The following PLCL1 variants were observed in gnomAD, a reference collection of about 807,000 sequenced individuals.
PLCL1 encodes the protein inactive phospholipase C-like protein 1.
In PLCL1, 41 loss-of-function variants were observed where a neutral mutation model predicts 84.4. That is an observed-to-expected ratio of 0.49 (90% CI 0.38 to 0.63). The LOEUF is 0.63. PLCL1 is among the 30% of genes least tolerant of loss of function. The pLI is 0.00. For missense variants in PLCL1, 1,206 were observed against 1,367.8 expected (o/e 0.88, Z 1.87); for synonymous variants, 490 against 488.3 (o/e 1.00, Z -0.05).
Position 198,047,165 on chromosome 2 carries a change from A to G in PLCL1, c.241-36593A>G, listed in dbSNP as rs1371089122. ...AACCAGGAGAGATGCATGTGTGTGT[A>G]TGTGTGTGTGTGTGTGTGTGTGTGT... On this transcript the variant is annotated intron_variant, in intron 1 of 5. Coordinates refer to ENST00000428675, the MANE Select transcript of PLCL1 (RefSeq NM_006226.4). Among the ~76,000 whole-genome samples, 8 of 148,734 alleles carry G rather than the reference A, an allele frequency of 5.4e-5. 2 individuals carry two copies. The South Asian group carries it at 1.5e-3, about 28-fold the overall frequency.
At chr2:197,851,715 G>T (rs566306746) in intron 1 of PLCL1, among the ~76,000 whole-genome samples, 10 of 152,214 alleles carry the variant, frequency 6.6e-5, no homozygotes, top group African/African-American at 9.6e-5. Flanking sequence ...TCACCTGCAG[G>T]TCCTGGTATG....
chr2:197,824,929 G>T (rs539422906), intron 1 of PLCL1, among the ~76,000 whole-genome samples: 1 of 152,036 alleles, frequency 6.6e-6, no homozygotes, highest in Non-Finnish European at 1.5e-5. Flanking sequence ...TTAAGGAAAG[G>T]GGTGAACCAT....
intron 1 of PLCL1, among the ~76,000 whole-genome samples, chr2:197,877,646 T>C (rs1397886395): frequency 1.3e-5 from 2 of 152,078 alleles, no homozygotes; most frequent in African/African-American, 4.8e-5. Context: ...GCCTGACTGG[T>C]TTAAAATGAT....
At chr2:198,127,027 C>G (rs1301537634) in intron 5 of PLCL1, among the ~76,000 whole-genome samples, 2 of 149,018 alleles carry the variant, frequency 1.3e-5, no homozygotes, top group Admixed American at 6.7e-5. Flanking sequence ...GTGGTGTATT[C>G]TTAGTCCCTT....
At chr2:197,946,696 C>T (rs527569531) in intron 1 of PLCL1, among the ~76,000 whole-genome samples, 3 of 152,220 alleles carry the variant, frequency 2.0e-5, no homozygotes, top group Non-Finnish European at 2.9e-5. Context: ...TTGAGTAGAA[C>T]GCTCCTGCAG....
intron 5 of PLCL1, among the ~76,000 whole-genome samples, chr2:198,105,563 C>T (rs1285819270): frequency 1.3e-5 from 2 of 149,818 alleles, no homozygotes; most frequent in Non-Finnish European, 3.0e-5. Context: ...GTTTTCGGTG[C>T]AGGCAGGGTA....
In PLCL1 at chr2:197,815,823, C is replaced by G. The variant is rs1025646803; in HGVS notation, c.240+10484C>G. ...AAGAGAACTAGAATTAGAAGTGGAG[C>G]CTGAAGATGTGACTGAATTGCTTCC... On this transcript the variant is annotated intron_variant, in intron 1 of 5. Coordinates refer to ENST00000428675, the MANE Select transcript of PLCL1 (RefSeq NM_006226.4). Among the ~76,000 whole-genome samples, 4 of 152,060 alleles carry G rather than the reference C, an allele frequency of 2.6e-5. No homozygotes were observed. The South Asian group carries it at 8.3e-4, about 32-fold the overall frequency.
At chr2:197,943,773 C>G (rs937588228) in intron 1 of PLCL1, among the ~76,000 whole-genome samples, 6 of 151,670 alleles carry the variant, frequency 4.0e-5, no homozygotes, top group African/African-American at 1.5e-4. Flanking sequence ...TCATTTTTTC[C>G]TTTGTTTAAT....
At chr2:197,836,722 T>G (rs1691199145) in intron 1 of PLCL1, among the ~76,000 whole-genome samples, 1 of 152,178 alleles carries the variant, frequency 6.6e-6, no homozygotes, top group Non-Finnish European at 1.5e-5. Flanking sequence ...AAATATTTAC[T>G]GGGCAATTTC....
intron 1 of PLCL1, among the ~76,000 whole-genome samples, chr2:198,026,455 G>A (rs964726847): frequency 2.0e-5 from 3 of 152,134 alleles, no homozygotes; most frequent in African/African-American, 7.2e-5. Context: ...CAGAGTAGTT[G>A]TTATCATTTC....
chr2:197,903,330 G>A (rs746473613), intron 1 of PLCL1, among the ~76,000 whole-genome samples: 6 of 152,018 alleles, frequency 3.9e-5, no homozygotes, highest in Non-Finnish European at 7.4e-5. Flanking sequence ...CAGCTGATGA[G>A]CCCCAGTTTG....
intron 1 of PLCL1, among the ~76,000 whole-genome samples, chr2:197,904,397 G>T (rs143383407): frequency 1.3e-5 from 2 of 152,224 alleles, no homozygotes; most frequent in East Asian, 3.9e-4. Context: ...TTAAAAAGTC[G>T]TTCCCTTAGA....
chr2:197,876,314 A>C (rs1406793206), intron 1 of PLCL1, among the ~76,000 whole-genome samples: 1 of 152,178 alleles, frequency 6.6e-6, no homozygotes, highest in East Asian at 1.9e-4. Context: ...CGAGCTTCTT[A>C]GAAAAGAAGC....
intron 1 of PLCL1, among the ~76,000 whole-genome samples, chr2:197,942,489 A>G (rs913088025): frequency 6.6e-6 from 1 of 152,208 alleles, no homozygotes; most frequent in Admixed American, 6.5e-5. Context: ...TCCCATTGCT[A>G]ATTTCCCCCT....
chr2:198,029,930 C>T (rs1691367235), intron 1 of PLCL1, among the ~76,000 whole-genome samples: 1 of 151,702 alleles, frequency 6.6e-6, no homozygotes, highest in Admixed American at 6.6e-5. Flanking sequence ...GAATGCCTGA[C>T]CTCAAATGAT....
At chr2:197,885,935 C>A (rs1687915235) in intron 1 of PLCL1, among the ~76,000 whole-genome samples, 1 of 152,158 alleles carries the variant, frequency 6.6e-6, no homozygotes, top group Non-Finnish European at 1.5e-5. Context: ...AAAACTATAG[C>A]TTCATGAGGG....
chr2:197,959,328 TG>T (rs1358684633), intron 1 of PLCL1, among the ~76,000 whole-genome samples: 2 of 152,018 alleles, frequency 1.3e-5, no homozygotes, highest in African/African-American at 2.4e-5. Context: ...CCCTCTTGCT[TG>T]GGGATGCTGG....
intron 1 of PLCL1, among the ~76,000 whole-genome samples, chr2:197,993,629 C>A (rs1690391795): frequency 1.3e-5 from 2 of 152,090 alleles, no homozygotes; most frequent in South Asian, 4.1e-4. Flanking sequence ...GACAGAGAGC[C>A]TAGAGAGAGC....
intron 1 of PLCL1, among the ~76,000 whole-genome samples, chr2:197,941,063 A>G (rs1689149334): frequency 6.6e-6 from 1 of 152,228 alleles, no homozygotes; most frequent in African/African-American, 2.4e-5. Flanking sequence ...GGGAGCCCAT[A>G]TCTTGCTGAA....
Sources: allele counts gnomAD v4.1 joint callset (sites outside exome capture counted in the v4.1 genomes callset), GRCh38; gene constraint gnomAD v4.1.1; transcripts MANE v1.5; gene names NCBI Gene and HGNC (gene_info 2026-07-23, HGNC 2026-07-21).